The following GSE1 variants were observed in gnomAD, a reference collection of about 807,000 sequenced individuals.
GSE1 encodes the protein genetic suppressor element 1.
Under a neutral mutation model 112.6 loss-of-function variants are expected in GSE1, and 32 were observed. That is an observed-to-expected ratio of 0.28 (90% confidence interval 0.21 to 0.38). The LOEUF (loss-of-function observed/expected upper bound fraction) is 0.38. Among genes scored for constraint, GSE1 ranks in the 10% least tolerant of loss-of-function variants. The probability of loss-of-function intolerance (pLI) is 1.00; values close to 1 mark genes in which losing one functional copy is unlikely to be tolerated. For missense variants in GSE1, 2,348 were observed against 1,699.2 expected (o/e 1.38, Z -6.71); for synonymous variants, 1,115 against 735.6 (o/e 1.52, Z -8.35).
At chr16:85,256,127 G>T (rs1204348972) in intron 1 of GSE1, among the ~76,000 whole-genome samples, 2 of 151,394 alleles carry the variant, frequency 1.3e-5, no homozygotes, top group Non-Finnish European at 2.9e-5. Context: ...GGTTTTTCTG[G>T]TTAAATCATG....
At chr16:85,511,873 G>T (rs1464422616) in intron 2 of GSE1, among the ~76,000 whole-genome samples, 3 of 152,160 alleles carry the variant, frequency 2.0e-5, no homozygotes, top group Admixed American at 6.5e-5. Context: ...CAGTGCTACT[G>T]ATGTCCAACT....
At chr16:85,616,548 C>A (rs990178011) in intron 1 of GSE1, among the ~76,000 whole-genome samples, 1 of 152,238 alleles carries the variant, frequency 6.6e-6, no homozygotes, top group Non-Finnish European at 1.5e-5. Context: ...GTTGTGGCAA[C>A]AGCAGGGTCC....
At chr16:85,197,959 C>G (rs937569594) in intron 1 of GSE1, among the ~76,000 whole-genome samples, 3 of 152,124 alleles carry the variant, frequency 2.0e-5, no homozygotes, top group African/African-American at 7.2e-5. Context: ...CAGGGCAATT[C>G]CTAGATACAG....
chr16:85,505,284 C>T (rs776742705), intron 2 of GSE1, among the ~76,000 whole-genome samples: 4 of 152,262 alleles, frequency 2.6e-5, no homozygotes, highest in Non-Finnish European at 4.4e-5. Flanking sequence ...GCCTGCCATG[C>T]GATCAGGGAC....
chr16:85,257,478 G>A (rs942204237), intron 1 of GSE1, among the ~76,000 whole-genome samples: 43 of 152,186 alleles, frequency 2.8e-4, no homozygotes, highest in African/African-American at 9.6e-4. Flanking sequence ...ACTTCAAGCC[G>A]GAGCACATAG....
intron 2 of GSE1, among the ~76,000 whole-genome samples, chr16:85,641,238 C>T (rs78274447): frequency 0.013 from 2,004 of 152,372 alleles, 53 homozygotes; most frequent in South Asian, 0.11. Flanking sequence ...TTTGGTCCCA[C>T]GCGGACTCTC....
At chr16:85,428,982 G>T (rs28512262) in intron 2 of GSE1, among the ~76,000 whole-genome samples, 3 of 152,046 alleles carry the variant, frequency 2.0e-5, no homozygotes, top group Non-Finnish European at 4.4e-5. Flanking sequence ...CAGCCACCTT[G>T]GAGAATCTCA....
Position 85,421,693 on chromosome 16 carries a change from C to T in GSE1, c.2464+64050C>T, listed in dbSNP as rs1552264. On this transcript the variant is annotated intron_variant, in intron 2 of 2. Transcript: ENST00000637419. Reference sequence around the variant, plus strand: ...TGCTTCCAGGTACCATTTGTTCCTGCCTGGAGGGAGCCCCTTCCCTCGGGG... The same window carrying T: ...TGCTTCCAGGTACCATTTGTTCCTGTCTGGAGGGAGCCCCTTCCCTCGGGG... 2.6e-5 allele frequency among the ~76,000 whole-genome samples: 4 copies of T among 151,894 alleles called. No individual in the cohort carries two copies. In the South Asian group the frequency reaches 8.3e-4, roughly 31 times the overall value.
At chr16:85,234,140 T>C (rs1904357027) in intron 1 of GSE1, among the ~76,000 whole-genome samples, 1 of 152,176 alleles carries the variant, frequency 6.6e-6, no homozygotes, top group Admixed American at 6.5e-5. Context: ...CACCTAGTGC[T>C]GCAAGGGAGT....
chr16:85,438,875 T>G (rs1260118498), intron 2 of GSE1, among the ~76,000 whole-genome samples: 1 of 152,218 alleles, frequency 6.6e-6, no homozygotes, highest in Non-Finnish European at 1.5e-5. Context: ...TACTGACCAC[T>G]GCGTCCTGGG....
intron 1 of GSE1, among the ~76,000 whole-genome samples, chr16:85,313,150 G>A (rs1305868580): frequency 6.6e-6 from 1 of 152,210 alleles, no homozygotes; most frequent in Non-Finnish European, 1.5e-5. Flanking sequence ...GAAAGTGAGA[G>A]GTGGGGCCCC....
chr16:85,376,976 C>T (rs929847421), intron 2 of GSE1, among the ~76,000 whole-genome samples: 33 of 152,378 alleles, frequency 2.2e-4, no homozygotes, highest in Middle Eastern at 3.4e-3. Flanking sequence ...CGCGGGTGGC[C>T]GTTTGGCCAG....
At chr16:85,289,191 A>T (rs1168999420) in intron 1 of GSE1, among the ~76,000 whole-genome samples, 2 of 152,092 alleles carry the variant, frequency 1.3e-5, no homozygotes, top group Non-Finnish European at 2.9e-5. Flanking sequence ...AACAGGCATG[A>T]CCTGCTACAT....
At chr16:85,187,000 G>C (rs945351884) in intron 1 of GSE1, among the ~76,000 whole-genome samples, 1 of 152,234 alleles carries the variant, frequency 6.6e-6, no homozygotes, top group African/African-American at 2.4e-5. Context: ...GTCTGGATGA[G>C]GCCAGCCCTG....
intron 2 of GSE1, among the ~76,000 whole-genome samples, chr16:85,411,013 G>T (rs1251873315): frequency 3.2e-5 from 2 of 62,826 alleles, no homozygotes; most frequent in Non-Finnish European, 2.7e-5. Flanking sequence ...TACACTCAGA[G>T]CCCCCCTGGA....
At chr16:85,324,313 C>T (rs892230950) in intron 1 of GSE1, among the ~76,000 whole-genome samples, 4 of 152,122 alleles carry the variant, frequency 2.6e-5, no homozygotes, top group Non-Finnish European at 5.9e-5. Context: ...AGTTTGAGAC[C>T]AGCCTGGCCA....
In GSE1 at chr16:85,311,853, C is replaced by G. The variant is rs1567680599; in HGVS notation, c.2284-45610C>G. Among the ~76,000 whole-genome samples the G allele has an allele frequency of 1.3e-5, 2 of 152,198 alleles. No homozygotes were observed. Among genetic ancestry groups the G allele is most frequent in the Non-Finnish European group, 2.9e-5 (2 of 68,030 alleles). On this transcript the variant is annotated intron_variant, in intron 1 of 2. Coordinates refer to the GSE1 transcript ENST00000637419. This position sits in a 1 kb window ranked among gnomAD's most constrained non-coding sequence, Gnocchi z 4.2. ...CCTGTGGCCCCAGCCGCGAGTCCTTCTCACCCCAGACCCCAGCGTCTGTGT... is the reference window on the plus strand; with the variant it reads ...CCTGTGGCCCCAGCCGCGAGTCCTTGTCACCCCAGACCCCAGCGTCTGTGT...
At chr16:85,379,975 C>G (rs541855055) in intron 2 of GSE1, among the ~76,000 whole-genome samples, 1 of 152,370 alleles carries the variant, frequency 6.6e-6, no homozygotes, top group Non-Finnish European at 1.5e-5. Flanking sequence ...CCCTGCCAAG[C>G]ATGGTGGGCA....
intron 2 of GSE1, chr16:85,489,847 G>C (rs1178074050): frequency 1.3e-5 from 2 of 152,224 alleles, no homozygotes; most frequent in Admixed American, 1.3e-4. Context: ...CTGATTGGTA[G>C]TTTTTAGGAG....
Sources: allele counts gnomAD v4.1 joint callset (sites outside exome capture counted in the v4.1 genomes callset), GRCh38; gene constraint gnomAD v4.1.1; non-coding constraint Gnocchi (gnomAD v3.1); transcripts MANE v1.5; gene names NCBI Gene and HGNC (gene_info 2026-07-23, HGNC 2026-07-21).